Variants in CFAP70 observed in about 807,000 individuals in gnomAD.
CFAP70 encodes cilia and flagella associated protein 70, also known as cilia- and flagella-associated protein 70.
A neutral mutation model predicts 137.6 loss-of-function variants in CFAP70; 81 were observed. The ratio of observed to expected loss-of-function variants is 0.59; its 90% CI spans 0.49 to 0.71. CFAP70 has a LOEUF of 0.71. Among genes scored for constraint, CFAP70 ranks in the 30% least tolerant of loss-of-function variants. CFAP70 has a pLI of 0.00. For missense variants in CFAP70, 976 were observed against 1,226.7 expected, an observed-to-expected ratio of 0.80 and a Z score of 3.05; for synonymous variants, 382 against 423.6, an observed-to-expected ratio of 0.90 and a Z score of 1.20.
chr10:73,331,350 A>AT, intron 7 of CFAP70, 74 bp from the exon 9 acceptor site: 1 of 1,253,610 alleles, frequency 8.0e-7, no homozygotes, highest in Non-Finnish European at 1.1e-6. Context: ...AAAGGGAAAT[A>AT]TTCTCTTTTA....
chr10:73,350,619 A>AT (rs1564888352), intron 3 of CFAP70, among the ~76,000 whole-genome samples: 1 of 152,050 alleles, frequency 6.6e-6, no homozygotes, highest in South Asian at 2.1e-4. Context: ...GAATATATAT[A>AT]TATTTTTTTT....
intron 4 of CFAP70, 142 bp from the exon 6 acceptor site, chr10:73,345,386 T>C (rs947465572): frequency 1.7e-5 from 13 of 765,928 alleles, no homozygotes; most frequent in Non-Finnish European, 2.5e-5. Context: ...CCATGTTCTC[T>C]AAGTCCCATG....
chr10:73,259,462 T>C (rs1174315715), intron 25 of CFAP70, among the ~76,000 whole-genome samples: 1 of 152,050 alleles, frequency 6.6e-6, no homozygotes, highest in African/African-American at 2.4e-5. Flanking sequence ...CCCCTCCCCC[T>C]CCTTTGTTTT....
At chr10:73,269,496 C>T (rs1240876980) in intron 25 of CFAP70, 118 bp downstream of exon 26, 1 of 670,424 alleles carries the variant, frequency 1.5e-6, no homozygotes, top group Non-Finnish European at 2.7e-6. Context: ...AATGATTACA[C>T]CTAGAGCTTA....
At chr10:73,300,046 C>G (rs1002770435) in intron 12 of CFAP70, among the ~76,000 whole-genome samples, 2 of 152,150 alleles carry the variant, frequency 1.3e-5, no homozygotes, top group African/African-American at 4.8e-5. Context: ...TCTCTGAAAG[C>G]AGAATGATTT....
chr10:73,283,200 C>T (rs577815389), intron 19 of CFAP70, among the ~76,000 whole-genome samples: 1 of 152,254 alleles, frequency 6.6e-6, no homozygotes, highest in Admixed American at 6.5e-5. Context: ...GGTCTGAGAT[C>T]ATACATTGTA....
intron 25 of CFAP70, among the ~76,000 whole-genome samples, chr10:73,258,660 G>A (rs762668242): frequency 9.2e-5 from 14 of 152,324 alleles, no homozygotes; most frequent in Middle Eastern, 6.8e-3. Context: ...TTACAAAAGC[G>A]AATAGGAGAA....
intron 15 of CFAP70, chr10:73,296,091 A>T (rs545828971): frequency 9.8e-5 from 15 of 152,370 alleles, no homozygotes; most frequent in Non-Finnish European, 2.2e-4. Context: ...ATTATGCAAT[A>T]ATCAACTAAC....
chr10:73,357,252 A>G (rs2054749765), intron 1 of CFAP70, among the ~76,000 whole-genome samples: 2 of 152,202 alleles, frequency 1.3e-5, no homozygotes, highest in African/African-American at 4.8e-5. Context: ...GATTGAAAAA[A>G]ATTGAGCTTC....
chr10:73,291,189 C>T, intron 19 of CFAP70, 37 bp downstream of exon 20: 1 of 1,598,042 alleles, frequency 6.3e-7, no homozygotes, highest in Non-Finnish European at 8.6e-7. Flanking sequence ...AGTAATTTTT[C>T]TAATAGCCAC....
At position 73,256,902 on chromosome 10, in the gene CFAP70, CAAAAAAAAAAAAAAAA is replaced by C. The variant is rs55805225; in HGVS notation, c.3028-502_3028-487del. On this transcript the variant is annotated intron_variant, in intron 25 of 26. Transcript: ENST00000310715. ...TGGGCAACAGAGTGAGACTCCATCT[CAAAAAAAAAAAAAAAA>C]AAAAAAAGGAAAAAAAATTCCTCCT... 3.9e-4 allele frequency among the ~76,000 whole-genome samples: 23 copies of C among 58,324 alleles called. 1 individual carries two copies. Among genetic ancestry groups the C allele is most frequent in the African/African-American group, 1.4e-3 (23 of 16,878 alleles). The allele number at this position is 58,324 out of a possible 152,430, so 38.3% of individuals were successfully genotyped here.
intron 7 of CFAP70, among the ~76,000 whole-genome samples, chr10:73,333,607 A>G (rs377225554): frequency 2.7e-5 from 4 of 149,674 alleles, no homozygotes; most frequent in African/African-American, 9.9e-5. Context: ...CAAACTATTT[A>G]AAGTTGTGAA....
intron 25 of CFAP70, among the ~76,000 whole-genome samples, chr10:73,259,750 G>A (rs1220600080): frequency 2.0e-5 from 3 of 152,154 alleles, no homozygotes; most frequent in Admixed American, 2.0e-4. Context: ...TGGGCACAGG[G>A]CTGGGTGCAG....
intron 5 of CFAP70, among the ~76,000 whole-genome samples, chr10:73,342,789 A>G (rs2053361935): frequency 6.6e-6 from 1 of 152,172 alleles, no homozygotes; most frequent in Non-Finnish European, 1.5e-5. Flanking sequence ...AGTAAATGAA[A>G]GTCTAGTCCA....
Position 73,306,766 on chromosome 10 carries a change from A to T in CFAP70, c.1256+3392T>A, listed in dbSNP as rs535869903. On this transcript the variant is annotated intron_variant, in intron 12 of 26. Transcript: ENST00000310715. ...TCTAGTAAATTATCCTTCAAAAGTG[A>T]AGAAGACATTAAGACAATCCCAGAT... Among the ~76,000 whole-genome samples, 10 of 152,290 alleles carry T rather than the reference A, an allele frequency of 6.6e-5. No homozygotes were observed. In the East Asian group the frequency reaches 1.9e-3, roughly 29 times the overall value.
At chr10:73,296,470 G>A (rs1307412374) in intron 15 of CFAP70, 1 of 152,112 alleles carries the variant, frequency 6.6e-6, no homozygotes, top group Non-Finnish European at 1.5e-5. Context: ...CACTACCAGG[G>A]GACAAAAAGA....
chr10:73,299,853 G>A (rs2131987334), intron 12 of CFAP70, among the ~76,000 whole-genome samples, 188 bp from the exon 14 acceptor site: 1 of 152,208 alleles, frequency 6.6e-6, no homozygotes, highest in East Asian at 1.9e-4. Flanking sequence ...AAAGTATATG[G>A]CTACGGACCA....
intron 3 of CFAP70, among the ~76,000 whole-genome samples, chr10:73,350,416 A>G (rs1174716454): frequency 6.6e-6 from 1 of 152,190 alleles, no homozygotes; most frequent in East Asian, 1.9e-4. Context: ...AATTTTTTCC[A>G]TATACTTAAG....
intron 16 of CFAP70, among the ~76,000 whole-genome samples, chr10:73,292,308 T>C (rs372429668): frequency 2.5e-3 from 375 of 152,288 alleles, no homozygotes; most frequent in African/African-American, 8.5e-3. Context: ...TAAAGATTCA[T>C]TGTATTGTAT....
Sources: allele counts gnomAD v4.1 joint callset (sites outside exome capture counted in the v4.1 genomes callset), GRCh38; gene constraint gnomAD v4.1.1; transcripts MANE v1.5; gene names NCBI Gene and HGNC (gene_info 2026-07-23, HGNC 2026-07-21).